Variants in HDAC11 observed in about 807,000 individuals in gnomAD.
HDAC11 encodes histone deacetylase 11.
A neutral mutation model predicts 41.1 loss-of-function variants in HDAC11; 23 were observed. The ratio of observed to expected loss-of-function variants is 0.56; its 90% CI spans 0.40 to 0.79. HDAC11 has a LOEUF of 0.79. Among genes scored for constraint, HDAC11 ranks in the 30% least tolerant of loss-of-function variants. HDAC11 has a pLI of 0.00. For synonymous variants in HDAC11, 187 were observed against 186.6 expected (o/e 1.00, Z -0.02); for missense variants, 402 against 477.3 (o/e 0.84, Z 1.47).
intron 3 of HDAC11, among the ~76,000 whole-genome samples, chr3:13,486,571 GTTTT>G (rs767002835): frequency 0.23 from 19,254 of 83,620 alleles, 1,486 homozygotes; most frequent in East Asian, 0.33. Flanking sequence ...ATGTAGAGGT[GTTTT>G]TTTTTTTTTT....
intron 2 of HDAC11, among the ~76,000 whole-genome samples, chr3:13,483,087 AAG>A (rs1330657545): frequency 1.3e-5 from 2 of 148,768 alleles, no homozygotes; most frequent in African/African-American, 4.9e-5. Context: ...AAAAAAAAAA[AAG>A]GGCGGGGGGA....
chr3:13,493,670 G>T (rs1199073253), intron 3 of HDAC11, among the ~76,000 whole-genome samples: 1 of 152,244 alleles, frequency 6.6e-6, no homozygotes, highest in Non-Finnish European at 1.5e-5. Flanking sequence ...TGCTGCACCA[G>T]GAGAAGGCCC....
In HDAC11 at chr3:13,480,455, C is replaced by T. The variant is rs1701251609; in HGVS notation, c.2+106C>T. 2.1e-5 allele frequency: 14 copies of T among 681,032 alleles called. No homozygotes were observed. The South Asian group carries it at 5.0e-4, about 24-fold the overall frequency. The allele number at this position is 681,032 out of a possible 1,614,324, so 42.2% of individuals were successfully genotyped here. A position where few individuals can be genotyped will look rare whatever the true frequency, so the allele number is the denominator to read the frequency against. On this transcript the variant is annotated intron_variant, in intron 1 of 9. Coordinates refer to ENST00000295757, the MANE Select transcript of HDAC11 (RefSeq NM_024827.4). The surrounding 1 kb of genome is among the most constrained non-coding windows in gnomAD (Gnocchi z 4.6). ...CCGGGCGGGCGCGCCAGGTAAGGGC[C>T]CAGATTTGCTGGTGAGGGGTGAGGG...
At position 13,500,193 on chromosome 3, in the gene HDAC11, G is replaced by A. The variant is rs191586325; in HGVS notation, c.413-520G>A. ...GGCCTCTGCAATTCAGGCCATCCCA[G>A]GGGCTGCAGGGGAGGGGGTATCTAT... is the stretch of plus-strand genomic sequence containing the variant. On this transcript the variant is annotated intron_variant, in intron 5 of 9. Coordinates refer to ENST00000295757, the MANE Select transcript of HDAC11 (RefSeq NM_024827.4). Among the ~76,000 whole-genome samples, 10 of 152,218 alleles carry A rather than the reference G, an allele frequency of 6.6e-5. No individual in the cohort carries two copies. The East Asian group carries it at 1.9e-3, about 29-fold the overall frequency.
chr3:13,501,821 G>T (rs2125011424), intron 6 of HDAC11, 50 bp from the exon 7 acceptor site: 1 of 1,565,768 alleles, frequency 6.4e-7, no homozygotes. Context: ...TGTAGGGCTG[G>T]GTCCTCTGTC....
chr3:13,492,069 G>A (rs1265277748), intron 3 of HDAC11, among the ~76,000 whole-genome samples: 6 of 152,252 alleles, frequency 3.9e-5, no homozygotes, highest in African/African-American at 1.4e-4. Flanking sequence ...TGGTGCAGGC[G>A]ATTTCAGATG....
chr3:13,504,369 GA>G lies in HDAC11; in HGVS notation c.829-97del, dbSNP rs1471779771. On this transcript the variant is annotated intron_variant, in intron 9 of 9. Transcript: ENST00000295757. Reference sequence around the variant, plus strand: ...CCTCATGTCAGGGAGGAGATGGACTGAAGCAACAGCAGTTTGGAGCAGGGCT... The same window carrying G: ...CCTCATGTCAGGGAGGAGATGGACTGAGCAACAGCAGTTTGGAGCAGGGCT... The G allele has an allele frequency of 2.5e-6, 4 of 1,584,940 alleles. No homozygotes were observed. In the African/African-American group the frequency reaches 4.0e-5, roughly 16 times the overall value.
At chr3:13,503,035 T>G in intron 8 of HDAC11, 55 bp downstream of exon 8, 3 of 1,321,168 alleles carry the variant, frequency 2.3e-6, no homozygotes, top group Non-Finnish European at 2.2e-6. Context: ...TGAGGCTCTC[T>G]CCTGAGTGTC....
rs1028495934 is a variant in HDAC11 at position 13,480,517 on chromosome 3, G to T, written c.2+168G>T. 2 of 344,568 alleles carry T rather than the reference G, an allele frequency of 5.8e-6. No individual in the cohort carries two copies. Among genetic ancestry groups the T allele is most frequent in the East Asian group, 5.4e-5 (1 of 18,358 alleles). The allele number at this position is 344,568 out of a possible 1,614,324, so 21.3% of individuals were successfully genotyped here. A position where few individuals can be genotyped will look rare whatever the true frequency, so the allele number is the denominator to read the frequency against. On this transcript the variant is annotated intron_variant, in intron 1 of 9. Coordinates refer to ENST00000295757, the MANE Select transcript of HDAC11 (RefSeq NM_024827.4). This position sits in a 1 kb window ranked among gnomAD's most constrained non-coding sequence, Gnocchi z 4.6. ...GGGTGTTTCCAGGCCCTCCCGGCGC[G>T]CCAGGCCAGCCCCGCGCCCCTGCTC...
At chr3:13,486,587 T>C (rs917366111) in intron 3 of HDAC11, among the ~76,000 whole-genome samples, 2 of 148,108 alleles carry the variant, frequency 1.4e-5, no homozygotes, top group Admixed American at 6.7e-5. Flanking sequence ...TTTTTTTTTT[T>C]TTTTTTTTGG....
Position 13,504,528 on chromosome 3 carries a change from C to T in HDAC11, c.889C>T (p.Leu297Phe). ...RMVRGRRVPI[L>F]MVTSGGYQKR... ...GGTCCGTGGCCGCCGGGTGCCCATC[C>T]TTATGGTGACCTCAGGCGGGTACCA... The change falls in exon 10 of 10, where the codon CTT becomes TTT. Residue 297 changes from leucine (L) to phenylalanine (F), a missense_variant. Transcript: ENST00000295757. The T allele has an allele frequency of 6.2e-7, 1 of 1,613,560 alleles. No individual in the cohort carries two copies. The highest frequency in any genetic ancestry group is 8.5e-7 in the Non-Finnish European group (1 of 1,180,030).
At chr3:13,500,208 G>C (rs187920046) in intron 5 of HDAC11, among the ~76,000 whole-genome samples, 1 of 152,214 alleles carries the variant, frequency 6.6e-6, no homozygotes, top group African/African-American at 2.4e-5. Flanking sequence ...TGCAGGGGAG[G>C]GGGTATCTAT....
chr3:13,502,117 A>C lies in HDAC11; in HGVS notation c.552+184A>C. The C allele has an allele frequency of 1.7e-6, 1 of 576,486 alleles. No individual in the cohort carries two copies. The highest frequency in any genetic ancestry group is 1.9e-5 in the African/African-American group (1 of 53,430). 35.7% of individuals were successfully genotyped at this position (576,486 alleles called of 1,614,324 possible). A position where few individuals can be genotyped will look rare whatever the true frequency, so the allele number is the denominator to read the frequency against. On this transcript the variant is annotated intron_variant, in intron 7 of 9. Transcript: ENST00000295757. The surrounding 1 kb of genome is among the most constrained non-coding windows in gnomAD (Gnocchi z 4.1). Reference sequence around the variant, plus strand: ...CTGTCCAGGACAGCGGGTCCTCCTCATTGCTCCCGAGGGTCCTCCCTCCCT... The same window carrying C: ...CTGTCCAGGACAGCGGGTCCTCCTCCTTGCTCCCGAGGGTCCTCCCTCCCT...
chr3:13,485,361 C>T lies in HDAC11; in HGVS notation c.252+1797C>T, dbSNP rs536490250. On this transcript the variant is annotated intron_variant, in intron 3 of 9. Coordinates refer to ENST00000295757, the MANE Select transcript of HDAC11 (RefSeq NM_024827.4). ...CCTGGTTTCCTGGGGCCCAGGCATG[C>T]GTGGTCACAGTCCACAGCCTAGGGC... is the stretch of plus-strand genomic sequence containing the variant. Among the ~76,000 whole-genome samples, 11 of 152,358 alleles carry T rather than the reference C, an allele frequency of 7.2e-5. No homozygotes were observed. In the South Asian group the frequency reaches 8.3e-4, roughly 11 times the overall value.
chr3:13,498,392 A>G, intron 4 of HDAC11, 121 bp from the exon 5 acceptor site: 2 of 1,246,120 alleles, frequency 1.6e-6, no homozygotes, highest in South Asian at 2.5e-5. Context: ...CTTGTAGCTC[A>G]GCTCATCCTT....
chr3:13,490,751 T>TC (rs1701819517), intron 3 of HDAC11, among the ~76,000 whole-genome samples: 1 of 133,198 alleles, frequency 7.5e-6, no homozygotes, highest in Non-Finnish European at 1.6e-5. Context: ...TTTCTTTTTT[T>TC]TTTTTTTTTT....
chr3:13,498,467 G>A (rs770053683), intron 4 of HDAC11, 46 bp from the exon 5 acceptor site: 3 of 1,612,012 alleles, frequency 1.9e-6, no homozygotes, highest in Non-Finnish European at 2.5e-6. Context: ...TGAATGACTG[G>A]TGGATCGGCT....
rs554621309 is a variant in HDAC11, at chr3:13,480,638, C to T, written c.2+289C>T. On this transcript the variant is annotated intron_variant, in intron 1 of 9. Coordinates refer to ENST00000295757, the MANE Select transcript of HDAC11 (RefSeq NM_024827.4). This position sits in a 1 kb window ranked among gnomAD's most constrained non-coding sequence, Gnocchi z 4.6. ...GTCTGACGTCTGCGCTGCCCAGCCC[C>T]CTGGCTACGCGGACGCCCCCACGGA... 1.1e-4 allele frequency: 47 copies of T among 408,860 alleles called. No homozygotes were observed. The highest frequency in any genetic ancestry group is 2.1e-4 in the Non-Finnish European group (43 of 203,132). 25.3% of individuals were successfully genotyped at this position (408,860 alleles called of 1,614,324 possible). A position where few individuals can be genotyped will look rare whatever the true frequency, so the allele number is the denominator to read the frequency against.
At chr3:13,498,597 G>T (rs766233949) in intron 5 of HDAC11, 42 bp downstream of exon 5, 18 of 1,604,910 alleles carry the variant, frequency 1.1e-5, no homozygotes, top group African/African-American at 1.3e-5. Flanking sequence ...AGCCCGGCTT[G>T]GTGGAACTGG....
Sources: gnomAD v4.1 joint callset for allele counts (sites outside exome capture counted in the v4.1 genomes callset) on GRCh38, gnomAD v4.1.1 for gene constraint, Gnocchi (gnomAD v3.1) non-coding constraint, MANE v1.5 for transcripts, NCBI Gene and HGNC (gene_info 2026-07-23, HGNC 2026-07-21) for gene names.